CALN1: variants seen among roughly 807,000 people sequenced by gnomAD.
CALN1 encodes the protein calcium-binding protein 8.
A neutral mutation model predicts 30.6 loss-of-function variants in CALN1; 17 were observed. That is an observed-to-expected ratio of 0.56 (90% confidence interval 0.38 to 0.83). The LOEUF (loss-of-function observed/expected upper bound fraction) is 0.83. CALN1 is among the 40% of genes least tolerant of loss of function. CALN1 has a pLI of 0.00. For missense variants in CALN1, 291 were observed against 354.9 expected (o/e 0.82, Z 1.45); for synonymous variants, 156 against 131.4 (o/e 1.19, Z -1.28).
intron 3 of CALN1, among the ~76,000 whole-genome samples, chr7:72,223,843 C>A (rs917238792): frequency 2.0e-5 from 3 of 152,118 alleles, no homozygotes; most frequent in Non-Finnish European, 4.4e-5. Flanking sequence ...ATCGTGTCCT[C>A]GGCAGCAACA....
rs373480200 is a variant in CALN1 at position 71,975,725 on chromosome 7, C to T, written c.501+47932G>A. Reference sequence around the variant, plus strand: ...GATGATAGGTGTGAGCCACCACACCCGGCCTCTTTTTTATTTAGTTTTTTA... The same window carrying T: ...GATGATAGGTGTGAGCCACCACACCTGGCCTCTTTTTTATTTAGTTTTTTA... On this transcript the variant is annotated intron_variant, in intron 5 of 6. Transcript: ENST00000395275. 1.2e-4 allele frequency among the ~76,000 whole-genome samples: 18 copies of T among 151,874 alleles called. No individual in the cohort carries two copies. In the South Asian group the frequency reaches 3.8e-3, roughly 32 times the overall value.
chr7:72,016,455 G>A (rs1800384885), intron 5 of CALN1, among the ~76,000 whole-genome samples: 1 of 151,232 alleles, frequency 6.6e-6, no homozygotes, highest in East Asian at 2.0e-4. Flanking sequence ...ATTATTTTTT[G>A]AGACAGAATC....
intron 2 of CALN1, among the ~76,000 whole-genome samples, chr7:72,367,852 G>C (rs770464299): frequency 2.0e-5 from 3 of 151,722 alleles, no homozygotes; most frequent in Non-Finnish European, 4.4e-5. Context: ...TATATATATA[G>C]GCCGGGTCCA....
chr7:72,380,376 C>T (rs1400549154), intron 2 of CALN1, among the ~76,000 whole-genome samples: 2 of 152,174 alleles, frequency 1.3e-5, no homozygotes, highest in Non-Finnish European at 2.9e-5. Flanking sequence ...TGGCTCATAC[C>T]TATAATACCA....
chr7:72,222,233 GA>G (rs71531794), intron 3 of CALN1, among the ~76,000 whole-genome samples: 88,194 of 147,342 alleles, frequency 0.6, 26,404 homozygotes, highest in African/African-American at 0.72. Flanking sequence ...CTCAAAAAAA[GA>G]AAAAAAAAAA....
chr7:72,231,156 T>C (rs990592018), intron 3 of CALN1, among the ~76,000 whole-genome samples: 2 of 152,146 alleles, frequency 1.3e-5, no homozygotes, highest in African/African-American at 4.8e-5. Flanking sequence ...CTGGTGTACA[T>C]GCACAGGATG....
chr7:72,369,830 T>C (rs1804114058), intron 2 of CALN1, among the ~76,000 whole-genome samples: 1 of 152,216 alleles, frequency 6.6e-6, no homozygotes, highest in African/African-American at 2.4e-5. Context: ...TCGTATTCCA[T>C]TGTATGAATA....
chr7:72,295,363 T>C (rs1490449288), intron 2 of CALN1, among the ~76,000 whole-genome samples: 2 of 152,196 alleles, frequency 1.3e-5, no homozygotes. Flanking sequence ...GGAGCATTCA[T>C]ATGAACTTTA....
chr7:72,145,874 A>G (rs1347751609), intron 3 of CALN1, among the ~76,000 whole-genome samples: 1 of 152,258 alleles, frequency 6.6e-6, no homozygotes, highest in Non-Finnish European at 1.5e-5. Flanking sequence ...CAAAAACCAC[A>G]TGATTATCTC....
At chr7:72,414,411 C>T (rs1807358203), upstream of CALN1, among the ~76,000 whole-genome samples, 1 of 152,206 alleles carries the variant, frequency 6.6e-6, no homozygotes, top group African/African-American at 2.4e-5. Flanking sequence ...CACAGCTTCT[C>T]TTGCAGGCCA....
intron 5 of CALN1, among the ~76,000 whole-genome samples, chr7:71,851,966 T>C (rs1313394341): frequency 6.6e-6 from 1 of 152,082 alleles, no homozygotes; most frequent in Non-Finnish European, 1.5e-5. Flanking sequence ...TGTGGTTTAA[T>C]GACCCTGCAG....
intron 5 of CALN1, among the ~76,000 whole-genome samples, chr7:71,931,790 C>A (rs375339173): frequency 1.3e-5 from 2 of 152,292 alleles, no homozygotes; most frequent in East Asian, 3.9e-4. Context: ...GCAGGAATTA[C>A]AGATTATCTT....
At chr7:72,292,301 G>A (rs1175252190) in intron 2 of CALN1, among the ~76,000 whole-genome samples, 1 of 151,674 alleles carries the variant, frequency 6.6e-6, no homozygotes, top group East Asian at 2.0e-4. Flanking sequence ...TCTACAGGGG[G>A]CCCTCTTCTC....
intron 5 of CALN1, among the ~76,000 whole-genome samples, chr7:72,011,876 A>C (rs1242560685): frequency 1.3e-5 from 2 of 152,002 alleles, no homozygotes; most frequent in Admixed American, 6.6e-5. Context: ...TCTGAACTCA[A>C]ACAGTTCTCA....
intron 3 of CALN1, among the ~76,000 whole-genome samples, chr7:72,169,952 C>T (rs959353229): frequency 2.6e-5 from 4 of 151,966 alleles, no homozygotes; most frequent in Admixed American, 6.6e-5. Flanking sequence ...CTTGGCCTCC[C>T]GAAGTGCTGG....
rs538391938 is a variant in CALN1, at chr7:72,029,008, T to C, written c.389-5239A>G. 2.6e-5 allele frequency among the ~76,000 whole-genome samples: 4 copies of C among 152,258 alleles called. No individual in the cohort carries two copies. In the South Asian group the frequency reaches 6.2e-4, roughly 24 times the overall value. ...TCCATCTCAAATATATACATACAGA[T>C]AGACAGACAGATATAGCTATAGAAA... On this transcript the variant is annotated intron_variant, in intron 4 of 6. Coordinates refer to ENST00000395275, the MANE Select transcript of CALN1 (RefSeq NM_031468.4).
intron 5 of CALN1, among the ~76,000 whole-genome samples, chr7:71,916,703 T>C (rs781471540): frequency 1.4e-4 from 21 of 152,002 alleles, no homozygotes; most frequent in Non-Finnish European, 2.4e-4. Flanking sequence ...GAAGAATAGC[T>C]AATGGATGCT....
At chr7:72,275,152 A>C (rs982037348) in intron 3 of CALN1, among the ~76,000 whole-genome samples, 8 of 152,078 alleles carry the variant, frequency 5.3e-5, no homozygotes, top group Admixed American at 3.3e-4. Context: ...ACAGCAGATA[A>C]GGATAGCACC....
intron 5 of CALN1, among the ~76,000 whole-genome samples, chr7:71,860,823 G>C (rs1038960979): frequency 2.0e-5 from 3 of 152,096 alleles, no homozygotes; most frequent in African/African-American, 7.2e-5. Context: ...CTCTGCCAGG[G>C]ATGATTAATG....
Sources: gnomAD v4.1 joint callset for allele counts (sites outside exome capture counted in the v4.1 genomes callset) on GRCh38, gnomAD v4.1.1 for gene constraint, MANE v1.5 for transcripts, NCBI Gene and HGNC (gene_info 2026-07-23, HGNC 2026-07-21) for gene names.